The following PBX3 variants were observed in gnomAD, a reference collection of about 807,000 sequenced individuals.
PBX3 encodes the protein pre-B-cell leukemia transcription factor 3.
Under a neutral mutation model 48.5 loss-of-function variants are expected in PBX3, and 14 were observed. That is an observed-to-expected ratio of 0.29 (90% CI 0.19 to 0.45). The LOEUF is 0.45. Ranked by LOEUF, PBX3 falls within the 20% of genes least tolerant of loss-of-function variation. PBX3 has a pLI of 1.00. For synonymous variants in PBX3, 210 were observed against 200.3 expected (o/e 1.05, Z -0.41); for missense variants, 386 against 546.7 (o/e 0.71, Z 2.93).
chr9:125,958,993 G>C (rs1842368601), intron 5 of PBX3, among the ~76,000 whole-genome samples: 1 of 152,124 alleles, frequency 6.6e-6, no homozygotes, highest in African/African-American at 2.4e-5. Context: ...TAGGCAAGAG[G>C]GGTGGTAATT....
intron 2 of PBX3, among the ~76,000 whole-genome samples, chr9:125,798,990 C>G (rs1292450858): frequency 6.6e-6 from 1 of 151,932 alleles, no homozygotes; most frequent in African/African-American, 2.4e-5. Context: ...GTTTTATTTG[C>G]ATTCTTAAAA....
chr9:125,788,016 T>G (rs772383766), intron 2 of PBX3, among the ~76,000 whole-genome samples: 31 of 152,196 alleles, frequency 2.0e-4, no homozygotes, highest in Non-Finnish European at 3.7e-4. Flanking sequence ...GAAGCCAGAC[T>G]CATGGAATTA....
chr9:125,885,798 A>ATGTGTG (rs10564495), intron 2 of PBX3, among the ~76,000 whole-genome samples: 58 of 150,400 alleles, frequency 3.9e-4, no homozygotes, highest in Admixed American at 3.5e-3. Flanking sequence ...ACTGTAGGGG[A>ATGTGTG]TGTGTGTGTG....
At chr9:125,894,998 T>G (rs886200674) in intron 2 of PBX3, among the ~76,000 whole-genome samples, 1 of 152,142 alleles carries the variant, frequency 6.6e-6, no homozygotes, top group Non-Finnish European at 1.5e-5. Flanking sequence ...TATTCTCATT[T>G]AAACAGGCAG....
intron 2 of PBX3, among the ~76,000 whole-genome samples, chr9:125,778,703 G>A (rs1472041599): frequency 2.0e-4 from 29 of 145,424 alleles, no homozygotes; most frequent in Admixed American, 1.7e-3. Flanking sequence ...GACACAGCCC[G>A]TGTCTCCCCC....
Position 125,747,435 on chromosome 9 carries a change from C to G in PBX3, c.-19C>G. 2 of 1,460,714 alleles carry G rather than the reference C, an allele frequency of 1.4e-6. No individual in the cohort carries two copies. The highest frequency in any genetic ancestry group is 1.8e-6 in the Non-Finnish European group (2 of 1,103,268). 90.5% of individuals were successfully genotyped at this position (1,460,714 alleles called of 1,614,324 possible). ...GCCTTCGCCTCAGCCGCCGCCCGCT[C>G]CCGCCCGCGCGCGGCGGGATGGACG... On this transcript the variant is annotated 5_prime_UTR_variant, in exon 1 of 9. Transcript: ENST00000373489.
intron 2 of PBX3, among the ~76,000 whole-genome samples, chr9:125,899,190 A>T: frequency 7.0e-6 from 1 of 143,602 alleles, no homozygotes; most frequent in East Asian, 2.0e-4. Context: ...CATTCTTTAG[A>T]TGATATATAT....
chr9:125,794,712 T>C (rs1410267657), intron 2 of PBX3, among the ~76,000 whole-genome samples: 1 of 151,678 alleles, frequency 6.6e-6, no homozygotes, highest in Admixed American at 6.6e-5. Context: ...TTTTTTTTTT[T>C]TTTAACAGTC....
At chr9:125,762,266 C>A (rs1048174700) in intron 2 of PBX3, among the ~76,000 whole-genome samples, 1 of 151,944 alleles carries the variant, frequency 6.6e-6, no homozygotes, top group Non-Finnish European at 1.5e-5. Context: ...TGCTGTAAGG[C>A]CTTTAAGAGA....
chr9:125,939,768 CA>C (rs1016392766), intron 5 of PBX3, among the ~76,000 whole-genome samples: 1 of 152,122 alleles, frequency 6.6e-6, no homozygotes, highest in Non-Finnish European at 1.5e-5. Context: ...CTACAAGTAT[CA>C]ATTCATGTTG....
At chr9:125,780,509 G>C (rs1430169637) in intron 2 of PBX3, among the ~76,000 whole-genome samples, 2 of 139,668 alleles carry the variant, frequency 1.4e-5, no homozygotes, top group African/African-American at 5.4e-5. Flanking sequence ...CTGGCCGGGT[G>C]GGGGGCTAAC....
intron 2 of PBX3, among the ~76,000 whole-genome samples, chr9:125,854,985 T>C (rs1839683082): frequency 6.6e-6 from 1 of 152,242 alleles, no homozygotes; most frequent in South Asian, 2.1e-4. Context: ...AAATAGTAGA[T>C]ATTTTTATCA....
At chr9:125,764,422 A>T (rs1252022965) in intron 2 of PBX3, among the ~76,000 whole-genome samples, 3 of 152,156 alleles carry the variant, frequency 2.0e-5, no homozygotes, top group African/African-American at 7.2e-5. Flanking sequence ...GGAAGACATA[A>T]ATTAATAGAG....
intron 2 of PBX3, among the ~76,000 whole-genome samples, chr9:125,774,153 G>A (rs1488017225): frequency 6.6e-6 from 1 of 152,214 alleles, no homozygotes; most frequent in Non-Finnish European, 1.5e-5. Context: ...GGGGAAGCCA[G>A]CGTGTCTTAC....
intron 2 of PBX3, among the ~76,000 whole-genome samples, chr9:125,802,377 T>TG (rs1837982669): frequency 1.4e-5 from 2 of 145,882 alleles, no homozygotes; most frequent in Non-Finnish European, 3.0e-5. Flanking sequence ...TTTTTTTTTT[T>TG]TTTTTTTAAA....
At chr9:125,917,377 C>T (rs2132472971) in intron 3 of PBX3, among the ~76,000 whole-genome samples, 1 of 152,322 alleles carries the variant, frequency 6.6e-6, no homozygotes, top group African/African-American at 2.4e-5. Flanking sequence ...TACATTGACA[C>T]ATCATTATCA....
At chr9:125,766,011 G>A (rs1461247875) in intron 2 of PBX3, among the ~76,000 whole-genome samples, 1 of 152,036 alleles carries the variant, frequency 6.6e-6, no homozygotes, top group African/African-American at 2.4e-5. Context: ...TACTGATAGT[G>A]GCATCTTACA....
chr9:125,912,700 A>T (rs1487454950), intron 2 of PBX3, among the ~76,000 whole-genome samples: 1 of 152,118 alleles, frequency 6.6e-6, no homozygotes, highest in East Asian at 1.9e-4. Flanking sequence ...ACCTTTATAA[A>T]CCTCTGTATG....
chr9:125,929,182 A>G (rs1407242106), intron 3 of PBX3, among the ~76,000 whole-genome samples: 1 of 152,180 alleles, frequency 6.6e-6, no homozygotes, highest in Admixed American at 6.5e-5. Flanking sequence ...AGTTTTTTAT[A>G]CATTTTTTCT....
Sources: gnomAD v4.1 joint callset for allele counts (sites outside exome capture counted in the v4.1 genomes callset) on GRCh38, gnomAD v4.1.1 for gene constraint, MANE v1.5 for transcripts, NCBI Gene and HGNC (gene_info 2026-07-23, HGNC 2026-07-21) for gene names.